Variants in KCNK2 observed in about 807,000 individuals in gnomAD.
KCNK2 encodes the protein potassium channel subfamily K member 2.
Under a neutral mutation model 40.5 loss-of-function variants are expected in KCNK2, and 21 were observed. That is an observed-to-expected ratio of 0.52 (90% CI 0.37 to 0.75). The LOEUF (loss-of-function observed/expected upper bound fraction) is 0.75. KCNK2 is among the 30% of genes least tolerant of loss of function. KCNK2 has a pLI of 0.00. For missense variants in KCNK2, 399 were observed against 531.6 expected (o/e 0.75, Z 2.45); for synonymous variants, 191 against 202.2 (o/e 0.94, Z 0.47).
chr1:215,194,922 G>A (rs771316818), intron 5 of KCNK2, 31 bp from the exon 6 acceptor site: 28 of 1,606,290 alleles, frequency 1.7e-5, no homozygotes, highest in Non-Finnish European at 2.1e-5. Flanking sequence ...AGACTATGAA[G>A]TTATTTTGTT....
intron 6 of KCNK2, among the ~76,000 whole-genome samples, chr1:215,232,697 T>A (rs1666718263): frequency 6.6e-6 from 1 of 152,130 alleles, no homozygotes; most frequent in South Asian, 2.1e-4. Flanking sequence ...TAAAAACATA[T>A]TTTTTAAGAT....
chr1:215,086,310 C>G (rs777645336), intron 1 of KCNK2, 58 bp from the exon 2 acceptor site: 9 of 1,397,148 alleles, frequency 6.4e-6, no homozygotes, highest in Non-Finnish European at 9.0e-6. Context: ...AAAGAAGAAG[C>G]CCGACCAATT....
intron 4 of KCNK2, among the ~76,000 whole-genome samples, chr1:215,169,645 T>G (rs980786262): frequency 1.7e-4 from 25 of 150,332 alleles, no homozygotes; most frequent in Non-Finnish European, 3.4e-4. Context: ...TTTTCTTTCT[T>G]TTTTTTTTTG....
intron 3 of KCNK2, among the ~76,000 whole-genome samples, chr1:215,128,823 A>G (rs929929274): frequency 1.3e-5 from 2 of 152,234 alleles, no homozygotes; most frequent in African/African-American, 4.8e-5. Flanking sequence ...TTAAAGAAGT[A>G]GGGGGAAGTA....
chr1:215,009,786 C>A (rs767015432), intron 1 of KCNK2, among the ~76,000 whole-genome samples: 3 of 152,054 alleles, frequency 2.0e-5, no homozygotes, highest in Admixed American at 6.6e-5. Flanking sequence ...TGAGTACAGA[C>A]CCAATTAGGT....
At chr1:215,225,008 T>C (rs1007350848) in intron 6 of KCNK2, among the ~76,000 whole-genome samples, 5 of 152,246 alleles carry the variant, frequency 3.3e-5, no homozygotes, top group East Asian at 1.9e-4. Flanking sequence ...CTGGATATGC[T>C]ATATACTGCA....
chr1:215,023,376 A>G (rs976562525), intron 1 of KCNK2, among the ~76,000 whole-genome samples: 2 of 152,186 alleles, frequency 1.3e-5, no homozygotes, highest in African/African-American at 4.8e-5. Context: ...GCATAACTGA[A>G]TGTGCCAGTT....
At chr1:215,049,306 G>GA (rs1657897885) in intron 1 of KCNK2, among the ~76,000 whole-genome samples, 1 of 152,140 alleles carries the variant, frequency 6.6e-6, no homozygotes, top group Admixed American at 6.5e-5. Context: ...CCACTTCAGT[G>GA]AAATGTGTTT....
In KCNK2 at chr1:215,033,204, C is replaced by CT. The variant is rs35027891; in HGVS notation, c.34+27263dup. Among the ~76,000 whole-genome samples the CT allele has an allele frequency of 1.5e-3, 218 of 141,624 alleles. 1 individual carries two copies. The highest frequency in any genetic ancestry group is 7.4e-3 in the Middle Eastern group (2 of 270). The allele number at this position is 141,624 out of a possible 152,430, so 92.9% of individuals were successfully genotyped here. ...GTTTTGATCTCTAGCAGTTTCTTTT[C>CT]TTTTTTTTTTTTTTGTAGTTATTTC... On this transcript the variant is annotated intron_variant, in intron 1 of 6. Transcript: ENST00000391895.
intron 6 of KCNK2, among the ~76,000 whole-genome samples, chr1:215,212,327 T>TAAA (rs1665777114): frequency 6.6e-6 from 1 of 152,182 alleles, no homozygotes; most frequent in Admixed American, 6.5e-5. Flanking sequence ...CAGTTGATTC[T>TAAA]ATTTTAAGTA....
rs1006970914 is a variant in KCNK2 at position 215,082,951 on chromosome 1, C to T, written c.-435C>T. On this transcript the variant is annotated 5_prime_UTR_variant, in exon 1 of 7. Transcript: ENST00000444842. ...CAGCTGGGGCTGCACCCACCGCCCC[C>T]GCGCCGCGCCGTGCCGGGGCCGGGC... 1.3e-5 allele frequency among the ~76,000 whole-genome samples: 2 copies of T among 149,044 alleles called. No individual in the cohort carries two copies. Among genetic ancestry groups the T allele is most frequent in the African/African-American group, 2.4e-5 (1 of 41,068 alleles).
At chr1:215,079,161 G>T (rs140523847), upstream of KCNK2, among the ~76,000 whole-genome samples, 21 of 152,262 alleles carry the variant, frequency 1.4e-4, no homozygotes, top group East Asian at 2.5e-3. Context: ...AAGAGGTGTT[G>T]AGTAGTCCTG....
At chr1:215,231,522 G>A (rs754223560) in intron 6 of KCNK2, among the ~76,000 whole-genome samples, 11 of 151,950 alleles carry the variant, frequency 7.2e-5, no homozygotes, top group Non-Finnish European at 1.0e-4. Flanking sequence ...GGACGATTCC[G>A]TGGTTTCCTC....
intron 2 of KCNK2, 75 bp from the exon 3 acceptor site, chr1:215,124,558 C>G: frequency 1.2e-6 from 1 of 846,362 alleles, no homozygotes; most frequent in South Asian, 1.4e-5. Context: ...TAAGTCATTT[C>G]TGGGGTGGAA....
intron 6 of KCNK2, among the ~76,000 whole-genome samples, chr1:215,214,385 C>G (rs1665872587): frequency 6.6e-6 from 1 of 152,080 alleles, no homozygotes; most frequent in Admixed American, 6.6e-5. Context: ...CTAATCAGCT[C>G]CCACCAGGTC....
chr1:215,038,718 T>TA (rs1357641224), intron 1 of KCNK2, among the ~76,000 whole-genome samples: 7 of 152,228 alleles, frequency 4.6e-5, no homozygotes. Flanking sequence ...TGTTCTTCAT[T>TA]AATAATAAAT....
chr1:215,076,281 T>C (rs1225656096), intron 1 of KCNK2, among the ~76,000 whole-genome samples: 1 of 152,230 alleles, frequency 6.6e-6, no homozygotes, highest in Admixed American at 6.5e-5. Flanking sequence ...TATCTATTGG[T>C]GCATAGAAAA....
At chr1:215,188,202 G>A (rs77454136) in intron 5 of KCNK2, among the ~76,000 whole-genome samples, 3 of 152,230 alleles carry the variant, frequency 2.0e-5, no homozygotes, top group East Asian at 1.9e-4. Flanking sequence ...AGTTTTGAAT[G>A]CTTACCAGGT....
intron 3 of KCNK2, among the ~76,000 whole-genome samples, chr1:215,139,391 G>C (rs1284749002): frequency 2.6e-5 from 4 of 152,174 alleles, no homozygotes; most frequent in African/African-American, 9.7e-5. Flanking sequence ...TTGCTTTATT[G>C]TTTTAGCAGC....
Sources: allele counts gnomAD v4.1 joint callset (sites outside exome capture counted in the v4.1 genomes callset), GRCh38; gene constraint gnomAD v4.1.1; transcripts MANE v1.5; gene names NCBI Gene and HGNC (gene_info 2026-07-23, HGNC 2026-07-21).